The following CARMIL1 variants were observed in gnomAD, a reference collection of about 807,000 sequenced individuals.
CARMIL1 encodes the protein F-actin-uncapping protein LRRC16A.
A neutral mutation model predicts 177.1 loss-of-function variants in CARMIL1; 90 were observed. The ratio of observed to expected loss-of-function variants is 0.51; its 90% CI spans 0.43 to 0.61. CARMIL1 has a LOEUF of 0.61. Among genes scored for constraint, CARMIL1 ranks in the 20% least tolerant of loss-of-function variants. CARMIL1 has a pLI of 0.00. For synonymous variants in CARMIL1, 577 were observed against 606.2 expected (o/e 0.95, Z 0.71); for missense variants, 1,380 against 1,667.0 (o/e 0.83, Z 3.00).
chr6:25,451,244 A>G (rs1303359074), intron 8 of CARMIL1, among the ~76,000 whole-genome samples: 4 of 152,038 alleles, frequency 2.6e-5, no homozygotes, highest in Admixed American at 2.0e-4. Flanking sequence ...GAATTTTACC[A>G]TAAAAACAGT....
intron 24 of CARMIL1, among the ~76,000 whole-genome samples, chr6:25,535,145 T>C (rs1287217011): frequency 1.3e-5 from 2 of 152,202 alleles, no homozygotes; most frequent in African/African-American, 4.8e-5. Flanking sequence ...ACGATAGCTC[T>C]GTTCATCTCA....
intron 2 of CARMIL1, among the ~76,000 whole-genome samples, chr6:25,313,507 G>C (rs9379753): frequency 1.3e-5 from 2 of 151,586 alleles, no homozygotes; most frequent in African/African-American, 4.9e-5. Context: ...CAGAAAGATG[G>C]GGGGATGAGA....
chr6:25,284,074 C>T (rs761041717), intron 1 of CARMIL1, among the ~76,000 whole-genome samples: 2 of 152,082 alleles, frequency 1.3e-5, no homozygotes, highest in Non-Finnish European at 2.9e-5. Flanking sequence ...AAGACTTACT[C>T]ATAGAGAATG....
At chr6:25,363,233 A>T (rs1184825618) in intron 2 of CARMIL1, among the ~76,000 whole-genome samples, 1 of 152,120 alleles carries the variant, frequency 6.6e-6, no homozygotes, top group East Asian at 1.9e-4. Context: ...GTGAAGTTGG[A>T]TAGGGATTTT....
intron 24 of CARMIL1, among the ~76,000 whole-genome samples, chr6:25,530,224 G>T (rs1482709124): frequency 3.3e-5 from 5 of 151,946 alleles, no homozygotes; most frequent in Non-Finnish European, 7.4e-5. Flanking sequence ...GTTCCAGAAA[G>T]AAAAGAGTTC....
chr6:25,318,581 C>T (rs1784445135), intron 2 of CARMIL1, among the ~76,000 whole-genome samples: 1 of 152,184 alleles, frequency 6.6e-6, no homozygotes, highest in African/African-American at 2.4e-5. Flanking sequence ...TTTTCTCTGC[C>T]TCGTACCTCA....
chr6:25,435,405 T>C, intron 4 of CARMIL1, 78 bp from the exon 5 acceptor site: 1 of 1,457,108 alleles, frequency 6.9e-7, no homozygotes, highest in Non-Finnish European at 9.2e-7. Flanking sequence ...TGTGACTATG[T>C]AGTTTACAAT....
intron 2 of CARMIL1, among the ~76,000 whole-genome samples, chr6:25,397,933 C>T (rs9467490): frequency 0.42 from 63,692 of 151,898 alleles, 13,549 homozygotes; most frequent in Middle Eastern, 0.58. Context: ...CTTTCTGTGT[C>T]TGTGTGTGCA....
At chr6:25,305,287 C>G (rs945899509) in intron 2 of CARMIL1, among the ~76,000 whole-genome samples, 1 of 152,108 alleles carries the variant, frequency 6.6e-6, no homozygotes, top group Non-Finnish European at 1.5e-5. Context: ...CTGAAAAAGC[C>G]TTTTTCCAGG....
intron 2 of CARMIL1, among the ~76,000 whole-genome samples, chr6:25,369,382 T>TTG (rs200699365): frequency 0.023 from 1,977 of 86,572 alleles, 42 homozygotes; most frequent in African/African-American, 0.043. Flanking sequence ...GTATTTTGTT[T>TTG]TTTTTTTTTT....
chr6:25,363,653 G>A (rs1789460758), intron 2 of CARMIL1, among the ~76,000 whole-genome samples: 2 of 152,118 alleles, frequency 1.3e-5, no homozygotes, highest in South Asian at 4.1e-4. Flanking sequence ...CTGCTTTTTA[G>A]GTGAGAGGAT....
chr6:25,433,727 A>G (rs1797001263), intron 4 of CARMIL1, among the ~76,000 whole-genome samples: 1 of 152,252 alleles, frequency 6.6e-6, no homozygotes, highest in African/African-American at 2.4e-5. Context: ...CTAGCACAGA[A>G]GTGGTATTTA....
chr6:25,456,949 A>T (rs879685938), intron 8 of CARMIL1, among the ~76,000 whole-genome samples: 1 of 149,478 alleles, frequency 6.7e-6, no homozygotes, highest in Non-Finnish European at 1.5e-5. Flanking sequence ...TGTCCTAAGG[A>T]CACTGCTGTC....
intron 2 of CARMIL1, among the ~76,000 whole-genome samples, chr6:25,320,862 G>A (rs1011657297): frequency 5.9e-5 from 9 of 152,182 alleles, no homozygotes; most frequent in African/African-American, 2.2e-4. Context: ...TGGGCTACAC[G>A]TAAAATACGC....
At chr6:25,404,164 A>G (rs1018766305) in intron 2 of CARMIL1, among the ~76,000 whole-genome samples, 3 of 152,098 alleles carry the variant, frequency 2.0e-5, no homozygotes, top group African/African-American at 7.2e-5. Context: ...AGGGGCCTCC[A>G]TTTCTCTCCT....
chr6:25,528,788 T>C lies in CARMIL1; in HGVS notation c.1969-7T>C. ...ATTCTTGAGGGATGCCTGTGCTTTA[T>C]TTCCAGATAGAAAACTACCTGCTAC... is the stretch of plus-strand genomic sequence containing the variant. On this transcript the variant is annotated splice_region_variant and splice_polypyrimidine_tract_variant and intron_variant, in intron 23 of 36. Transcript: ENST00000329474. 1 of 1,586,750 alleles carries C rather than the reference T, an allele frequency of 6.3e-7. No homozygotes were observed. Among genetic ancestry groups the C allele is most frequent in the Non-Finnish European group, 8.6e-7 (1 of 1,162,436 alleles).
intron 14 of CARMIL1, 60 bp from the exon 15 acceptor site, chr6:25,491,888 T>C: frequency 6.4e-7 from 1 of 1,566,856 alleles, no homozygotes; most frequent in South Asian, 1.1e-5. Context: ...GGACCTCTAA[T>C]AAAAGATTCT....
chr6:25,466,071 G>T (rs1447521024), intron 9 of CARMIL1, 123 bp downstream of exon 9: 3 of 667,002 alleles, frequency 4.5e-6, no homozygotes, highest in Non-Finnish European at 7.9e-6. Context: ...ATTTCTTGAG[G>T]AGGTATTTTC....
At chr6:25,434,281 A>G (rs369731912) in intron 4 of CARMIL1, among the ~76,000 whole-genome samples, 1 of 152,104 alleles carries the variant, frequency 6.6e-6, no homozygotes, top group Non-Finnish European at 1.5e-5. Context: ...TGTAATGTGT[A>G]CATCTTCAGC....
Sources: allele counts gnomAD v4.1 joint callset (sites outside exome capture counted in the v4.1 genomes callset), GRCh38; gene constraint gnomAD v4.1.1; transcripts MANE v1.5; gene names NCBI Gene and HGNC (gene_info 2026-07-23, HGNC 2026-07-21).